Variants in STK3 observed in about 807,000 individuals in gnomAD.
STK3 encodes the protein serine/threonine kinase 3, also known as serine/threonine-protein kinase 3.
STK3 carries 41 observed loss-of-function variants against 58.0 expected under a neutral mutation model. The observed-to-expected ratio is 0.71, with a 90% CI of 0.55 to 0.92. The LOEUF is 0.92. Among genes scored for constraint, STK3 ranks in the 40% least tolerant of loss-of-function variants. The pLI, the probability that STK3 is intolerant of heterozygous loss-of-function variation, is 0.00. For missense variants in STK3, 479 were observed against 602.7 expected, an observed-to-expected ratio of 0.79 and a Z score of 2.15; for synonymous variants, 170 against 191.0, an observed-to-expected ratio of 0.89 and a Z score of 0.91.
intron 1 of STK3, among the ~76,000 whole-genome samples, chr8:98,819,765 T>C (rs1406573365): frequency 1.3e-5 from 2 of 152,202 alleles, no homozygotes; most frequent in East Asian, 1.9e-4. Flanking sequence ...ATCTCTCTGA[T>C]ATACACACAA....
At chr8:98,727,245 C>A (rs149754232) in intron 4 of STK3, among the ~76,000 whole-genome samples, 1 of 152,310 alleles carries the variant, frequency 6.6e-6, no homozygotes, top group African/African-American at 2.4e-5. Context: ...GATTATCACT[C>A]TTTTCTGCTG....
At chr8:98,889,435 A>G (rs1838115103) in intron 1 of STK3, among the ~76,000 whole-genome samples, 1 of 152,106 alleles carries the variant, frequency 6.6e-6, no homozygotes, top group South Asian at 2.1e-4. Context: ...ACATTTCCCA[A>G]AGTTCTCTTT....
chr8:98,506,627 C>T (rs1824102065), intron 10 of STK3, among the ~76,000 whole-genome samples: 1 of 152,026 alleles, frequency 6.6e-6, no homozygotes, highest in Non-Finnish European at 1.5e-5. Flanking sequence ...AAGAGAACTG[C>T]TTGAACCCAG....
At chr8:98,600,704 T>A (rs773805594) in intron 6 of STK3, among the ~76,000 whole-genome samples, 99 of 152,296 alleles carry the variant, frequency 6.5e-4, no homozygotes, top group Middle Eastern at 3.4e-3. Flanking sequence ...AGTTTTACTG[T>A]CTCTAACGGT....
At chr8:98,723,944 A>T (rs777210656) in intron 4 of STK3, among the ~76,000 whole-genome samples, 1 of 152,134 alleles carries the variant, frequency 6.6e-6, no homozygotes, top group Non-Finnish European at 1.5e-5. Flanking sequence ...TGATAACAAT[A>T]ACAGCTTGCA....
At chr8:98,908,372 A>G (rs921611578) in intron 1 of STK3, among the ~76,000 whole-genome samples, 12 of 152,218 alleles carry the variant, frequency 7.9e-5, no homozygotes, top group African/African-American at 2.9e-4. Flanking sequence ...ATCAAGAGTG[A>G]CCTAATGTCT....
chr8:98,809,316 G>A (rs1834079009), intron 1 of STK3, among the ~76,000 whole-genome samples: 1 of 152,194 alleles, frequency 6.6e-6, no homozygotes, highest in Middle Eastern at 3.2e-3. Flanking sequence ...ATACAACTCA[G>A]TCCTTAACCT....
chr8:98,357,779 C>A, the STK3 span, among the ~76,000 whole-genome samples: 1 of 152,204 alleles, frequency 6.6e-6, no homozygotes, highest in African/African-American at 2.4e-5. Flanking sequence ...GTGGGTCCAG[C>A]TGAATCTGCC....
chr8:98,627,958 T>C (rs1182403235), intron 6 of STK3, among the ~76,000 whole-genome samples: 1 of 152,212 alleles, frequency 6.6e-6, no homozygotes, highest in Admixed American at 6.5e-5. Flanking sequence ...TGAGAAAATA[T>C]ATAAGATAAT....
At chr8:98,599,047 T>C (rs1816088026) in intron 6 of STK3, 2 of 280,984 alleles carry the variant, frequency 7.1e-6, no homozygotes, top group South Asian at 1.4e-4. Context: ...TCAACACATG[T>C]CTGACTCTAC....
At chr8:98,821,849 G>A (rs1300647186) in intron 1 of STK3, among the ~76,000 whole-genome samples, 1 of 152,102 alleles carries the variant, frequency 6.6e-6, no homozygotes, top group African/African-American at 2.4e-5. Flanking sequence ...ATATGAGGGT[G>A]AGAGGTGCCT....
At chr8:98,528,794 C>T (rs537170311) in intron 9 of STK3, among the ~76,000 whole-genome samples, 2 of 152,282 alleles carry the variant, frequency 1.3e-5, no homozygotes, top group African/African-American at 4.8e-5. Flanking sequence ...ATTTTTAAAA[C>T]GTAAAATTGA....
upstream of STK3, among the ~76,000 whole-genome samples, chr8:98,392,013 G>A (rs1251325502): frequency 1.3e-5 from 2 of 152,078 alleles, no homozygotes; most frequent in African/African-American, 2.4e-5. Flanking sequence ...TGACACATAG[G>A]AAGTGCTTAG....
At chr8:98,851,349 T>C (rs987598904) in intron 3 of STK3, among the ~76,000 whole-genome samples, 2 of 152,178 alleles carry the variant, frequency 1.3e-5, no homozygotes, top group Admixed American at 1.3e-4. Flanking sequence ...GAGCCCACGC[T>C]AGTATAGAGA....
intron 1 of STK3, among the ~76,000 whole-genome samples, chr8:98,802,917 T>C (rs1833650640): frequency 6.6e-6 from 1 of 152,252 alleles, no homozygotes; most frequent in South Asian, 2.1e-4. Context: ...TGTTTGCATA[T>C]GTGTGTATTT....
At chr8:98,376,479 A>C (rs1817675844) in intron 2 of STK3, among the ~76,000 whole-genome samples, 2 of 151,980 alleles carry the variant, frequency 1.3e-5, no homozygotes, top group South Asian at 4.1e-4. Context: ...ACCATGTCTA[A>C]GGGCTCATTG....
chr8:98,823,034 A>G (rs1835010996), intron 1 of STK3, among the ~76,000 whole-genome samples: 1 of 152,266 alleles, frequency 6.6e-6, no homozygotes, highest in Admixed American at 6.5e-5. Context: ...CCACTGGACT[A>G]AAGCGTCCAG....
chr8:98,864,092 C>G (rs567039742), intron 3 of STK3, among the ~76,000 whole-genome samples: 2 of 148,536 alleles, frequency 1.3e-5, no homozygotes, highest in African/African-American at 5.0e-5. Flanking sequence ...CCAGCTACTC[C>G]GGAGGCTGAG....
chr8:98,880,984 A>G (rs1244021257), downstream of STK3: 1 of 152,246 alleles, frequency 6.6e-6, no homozygotes, highest in East Asian at 1.9e-4. Context: ...GGTATCACCC[A>G]AACTTATGAC....
Sources: allele counts gnomAD v4.1 joint callset (sites outside exome capture counted in the v4.1 genomes callset), GRCh38; gene constraint gnomAD v4.1.1; transcripts MANE v1.5; gene names NCBI Gene and HGNC (gene_info 2026-07-23, HGNC 2026-07-21).